Variants in KCNIP1 observed in about 807,000 individuals in gnomAD.
KCNIP1 encodes the protein potassium voltage-gated channel interacting protein 1, also known as A-type potassium channel modulatory protein KCNIP1.
Under a neutral mutation model 33.0 loss-of-function variants are expected in KCNIP1, and 18 were observed. That is an observed-to-expected ratio of 0.55 (90% confidence interval 0.38 to 0.81). The LOEUF (loss-of-function observed/expected upper bound fraction) is 0.81. Ranked by LOEUF, KCNIP1 falls within the 30% of genes least tolerant of loss-of-function variation. The pLI is 0.00. For missense variants in KCNIP1, 238 were observed against 271.6 expected (o/e 0.88, Z 0.87); for synonymous variants, 93 against 98.3 (o/e 0.95, Z 0.32).
intron 1 of KCNIP1, among the ~76,000 whole-genome samples, chr5:170,397,554 T>C (rs1469268515): frequency 1.3e-5 from 2 of 152,228 alleles, no homozygotes; most frequent in Non-Finnish European, 2.9e-5. Context: ...GTAGGGACTC[T>C]AAACATTTGT....
chr5:170,493,541 G>A (rs376496238), intron 1 of KCNIP1, among the ~76,000 whole-genome samples: 13 of 152,140 alleles, frequency 8.5e-5, no homozygotes, highest in African/African-American at 3.1e-4. Flanking sequence ...TTTCTCCAAA[G>A]TCCCTCCAGC....
At chr5:170,521,571 T>C (rs1581268375) in intron 1 of KCNIP1, among the ~76,000 whole-genome samples, 1 of 152,188 alleles carries the variant, frequency 6.6e-6, no homozygotes, top group Admixed American at 6.5e-5. Flanking sequence ...CCAAGTAACA[T>C]CAGCTTACGT....
chr5:170,567,050 G>A (rs1007067654), intron 1 of KCNIP1, among the ~76,000 whole-genome samples: 2 of 152,238 alleles, frequency 1.3e-5, no homozygotes, highest in Admixed American at 6.5e-5. Context: ...ATAAATCCCA[G>A]TTGTCCCTGA....
At chr5:170,671,085 T>G (rs1270971667) in intron 1 of KCNIP1, among the ~76,000 whole-genome samples, 1 of 152,016 alleles carries the variant, frequency 6.6e-6, no homozygotes, top group Non-Finnish European at 1.5e-5. Context: ...CCCCACAATC[T>G]CTGTGTACCT....
intron 1 of KCNIP1, among the ~76,000 whole-genome samples, chr5:170,648,229 A>G (rs1418002411): frequency 6.6e-6 from 1 of 152,254 alleles, no homozygotes; most frequent in Non-Finnish European, 1.5e-5. Context: ...GCAGTTTCTT[A>G]CAAAACTAAA....
chr5:170,561,145 G>A (rs1368170336), intron 1 of KCNIP1: 1 of 455,870 alleles, frequency 2.2e-6, no homozygotes, highest in East Asian at 7.0e-5. Context: ...CTGGAGATGT[G>A]TTTATGCTCC....
At chr5:170,406,812 G>A (rs947243436) in intron 1 of KCNIP1, among the ~76,000 whole-genome samples, 13 of 152,142 alleles carry the variant, frequency 8.5e-5, no homozygotes, top group African/African-American at 2.2e-4. Flanking sequence ...CAGGCCTTCC[G>A]CATTCATGAG....
chr5:170,465,750 C>T (rs1435209255), intron 1 of KCNIP1, among the ~76,000 whole-genome samples: 2 of 152,034 alleles, frequency 1.3e-5, no homozygotes, highest in Non-Finnish European at 2.9e-5. Flanking sequence ...TGAACTAGGA[C>T]CTAAGAAATG....
chr5:170,418,149 G>A (rs1454938518), intron 1 of KCNIP1, among the ~76,000 whole-genome samples: 2 of 152,184 alleles, frequency 1.3e-5, no homozygotes, highest in East Asian at 1.9e-4. Context: ...ACCCCTTCCC[G>A]GCTGGGCGCA....
intron 1 of KCNIP1, among the ~76,000 whole-genome samples, chr5:170,529,144 T>A (rs1321279933): frequency 6.6e-6 from 1 of 152,216 alleles, no homozygotes; most frequent in Non-Finnish European, 1.5e-5. Context: ...CAGAGCTGAA[T>A]ACAGGTGCTC....
chr5:170,735,924 C>T lies in KCNIP1; in HGVS notation c.*118C>T. ...ACTCTTGGGACAGAAACACCTTTTA[C>T]ACTTTGGAAGAATTCTCTGCTGAAG... On this transcript the variant is annotated 3_prime_UTR_variant, in exon 8 of 8. Coordinates refer to ENST00000328939, the MANE Select transcript of KCNIP1 (RefSeq NM_014592.4). 3.4e-6 allele frequency: 3 copies of T among 873,862 alleles called. No homozygotes were observed. The highest frequency in any genetic ancestry group is 5.5e-6 in the Non-Finnish European group (3 of 541,972). The allele number at this position is 873,862 out of a possible 1,614,324, so 54.1% of individuals were successfully genotyped here.
chr5:170,492,170 C>T (rs990185363), intron 1 of KCNIP1, among the ~76,000 whole-genome samples: 1 of 152,164 alleles, frequency 6.6e-6, no homozygotes, highest in Admixed American at 6.5e-5. Flanking sequence ...TCTCAGACCC[C>T]CTGTACTTCT....
chr5:170,462,628 G>T (rs753731202), intron 1 of KCNIP1, among the ~76,000 whole-genome samples: 14 of 152,146 alleles, frequency 9.2e-5, no homozygotes, highest in Non-Finnish European at 1.6e-4. Flanking sequence ...TCCCACTACT[G>T]GGTGTCTACC....
chr5:170,479,945 C>A lies in KCNIP1; in HGVS notation c.88+125981C>A, dbSNP rs76958606. On this transcript the variant is annotated intron_variant, in intron 1 of 7. Coordinates refer to the KCNIP1 transcript ENST00000377360. ...AATTAAAAATTCCCAAACTTATAAA[C>A]CATTGTTTACAAAATTATTTAACCA... Among the ~76,000 whole-genome samples, 1,387 of 152,218 alleles carry A rather than the reference C, an allele frequency of 9.1e-3. 26 individuals carry two copies. The highest frequency in any genetic ancestry group is 0.031 in the African/African-American group (1,291 of 41,522).
At chr5:170,556,742 G>C (rs1411623540) in intron 1 of KCNIP1, among the ~76,000 whole-genome samples, 2 of 152,232 alleles carry the variant, frequency 1.3e-5, no homozygotes, top group African/African-American at 4.8e-5. Context: ...TGAGGCCTGG[G>C]TGTTTGTTCC....
At chr5:170,370,430 ACT>A (rs923355001) in intron 1 of KCNIP1, among the ~76,000 whole-genome samples, 2 of 152,176 alleles carry the variant, frequency 1.3e-5, no homozygotes, top group African/African-American at 4.8e-5. Context: ...GCAGATTCAA[ACT>A]CTTGTTTTCC....
At chr5:170,681,836 G>A (rs1581493234) in intron 1 of KCNIP1, among the ~76,000 whole-genome samples, 1 of 152,172 alleles carries the variant, frequency 6.6e-6, no homozygotes, top group Non-Finnish European at 1.5e-5. Flanking sequence ...GAAACAAAGA[G>A]TTTTATTTTT....
chr5:170,507,906 G>T (rs959535878), intron 1 of KCNIP1, among the ~76,000 whole-genome samples: 3 of 152,152 alleles, frequency 2.0e-5, no homozygotes, highest in Non-Finnish European at 4.4e-5. Context: ...CTGCTTTTGG[G>T]ATTCAGCCTC....
intron 1 of KCNIP1, among the ~76,000 whole-genome samples, chr5:170,702,136 C>T (rs1313025541): frequency 6.6e-6 from 1 of 152,250 alleles, no homozygotes; most frequent in Non-Finnish European, 1.5e-5. Context: ...TTTCCATTCA[C>T]AGCTCCATCC....
Sources: gnomAD v4.1 joint callset for allele counts (sites outside exome capture counted in the v4.1 genomes callset) on GRCh38, gnomAD v4.1.1 for gene constraint, MANE v1.5 for transcripts, NCBI Gene and HGNC (gene_info 2026-07-23, HGNC 2026-07-21) for gene names.